PAPOLA: variants seen among roughly 807,000 people sequenced by gnomAD.
PAPOLA encodes the protein poly(A) polymerase alpha, also known as polynucleotide adenylyltransferase alpha.
Under a neutral mutation model 100.6 loss-of-function variants are expected in PAPOLA, and 15 were observed. That is an observed-to-expected ratio of 0.15 (90% CI 0.10 to 0.23). The LOEUF (loss-of-function observed/expected upper bound fraction) is 0.23, where lower values mean the gene tolerates loss of function less well. PAPOLA is among the 10% of genes least tolerant of loss of function. The pLI is 1.00. For missense variants in PAPOLA, 533 were observed against 884.2 expected, an observed-to-expected ratio of 0.60 and a Z score of 5.04; for synonymous variants, 293 against 300.0, an observed-to-expected ratio of 0.98 and a Z score of 0.24.
At chr14:96,528,126 T>C (rs1898655629) in intron 6 of PAPOLA, 120 bp downstream of exon 6, 1 of 649,892 alleles carries the variant, frequency 1.5e-6, no homozygotes, top group Non-Finnish European at 2.8e-6. Context: ...TTAATAACAA[T>C]TAAGGCTTTT....
intron 1 of PAPOLA, 21 bp from the exon 2 acceptor site, chr14:96,520,034 T>G (rs1385142428): frequency 1.3e-6 from 2 of 1,568,834 alleles, no homozygotes; most frequent in Non-Finnish European, 1.7e-6. Flanking sequence ...TGGCAGTAAT[T>G]GTATCCAATT....
At chr14:96,514,363 A>G (rs1897301654) in intron 1 of PAPOLA, among the ~76,000 whole-genome samples, 1 of 147,368 alleles carries the variant, frequency 6.8e-6, no homozygotes, top group Admixed American at 6.8e-5. Context: ...TGTTATGTTT[A>G]GTAGAGACGG....
chr14:96,563,420 A>G (rs929430069), intron 21 of PAPOLA, among the ~76,000 whole-genome samples: 3 of 152,198 alleles, frequency 2.0e-5, no homozygotes, highest in Non-Finnish European at 4.4e-5. Context: ...TACAGTAGGC[A>G]TCTGGAATCT....
intron 13 of PAPOLA, chr14:96,542,532 G>A: frequency 3.7e-6 from 2 of 543,236 alleles, no homozygotes; most frequent in South Asian, 5.7e-5. Flanking sequence ...TATATTTAAA[G>A]TGCACTTATA....
chr14:96,547,649 T>C (rs990552286), intron 15 of PAPOLA, 148 bp from the exon 16 acceptor site: 70 of 548,338 alleles, frequency 1.3e-4, no homozygotes, highest in Non-Finnish European at 3.2e-5. Context: ...CAATGAATTA[T>C]GTCAGATTAG....
At position 96,526,367 on chromosome 14, in the gene PAPOLA, T is replaced by G. The variant is rs1038910244; in HGVS notation, c.331+976T>G. On this transcript the variant is annotated intron_variant, in intron 4 of 21. Transcript: ENST00000216277. Reference sequence around the variant, plus strand: ...AGGCTGTACTGTCTTTGGGTCTTGCTCTGTTGCACAGGCTGGATGCAGTGG... The same window carrying G: ...AGGCTGTACTGTCTTTGGGTCTTGCGCTGTTGCACAGGCTGGATGCAGTGG... 3.3e-5 allele frequency: 5 copies of G among 152,300 alleles called. No individual in the cohort carries two copies. The East Asian group carries it at 9.6e-4, about 29-fold the overall frequency. The allele number at this position is 152,300 out of a possible 1,614,324, so 9.4% of individuals were successfully genotyped here. A position where few individuals can be genotyped will look rare whatever the true frequency, so the allele number is the denominator to read the frequency against.
At chr14:96,524,864 C>T (rs1037897688) in intron 3 of PAPOLA, among the ~76,000 whole-genome samples, 2 of 152,096 alleles carry the variant, frequency 1.3e-5, no homozygotes, top group Non-Finnish European at 2.9e-5. Flanking sequence ...AAAAAATACT[C>T]TAATATGTTG....
chr14:96,546,109 A>G (rs538803874), intron 15 of PAPOLA, among the ~76,000 whole-genome samples: 16 of 151,928 alleles, frequency 1.1e-4, no homozygotes, highest in Admixed American at 2.6e-4. Context: ...TTCACTCCCA[A>G]CCCCTACCAG....
intron 10 of PAPOLA, chr14:96,534,951 GTTAC>G: frequency 3.0e-6 from 3 of 991,454 alleles, no homozygotes; most frequent in Non-Finnish European, 3.6e-6. Context: ...TAGGAAAGCT[GTTAC>G]TTAATGTTTA....
At chr14:96,514,428 G>A (rs1897308716) in intron 1 of PAPOLA, among the ~76,000 whole-genome samples, 1 of 151,884 alleles carries the variant, frequency 6.6e-6, no homozygotes, top group Non-Finnish European at 1.5e-5. Flanking sequence ...TGATCCGCCC[G>A]CCTTGGCCTC....
Position 96,521,013 on chromosome 14 carries a change from AT to A in PAPOLA, c.194del (p.Leu65TrpfsTer4). The A allele has an allele frequency of 6.8e-7, 1 of 1,475,724 alleles. No individual in the cohort carries two copies. Among genetic ancestry groups the A allele is most frequent in the Non-Finnish European group, 9.5e-7 (1 of 1,054,586 alleles). The allele number at this position is 1,475,724 out of a possible 1,614,324, so 91.4% of individuals were successfully genotyped here. A position where few individuals can be genotyped will look rare whatever the true frequency, so the allele number is the denominator to read the frequency against. ...TAATTGTTTTATCAACAGGATTTTA[AT>A]TTTGGGAAAACTAAATAACCTGGTA... ...EEEELQRRIL[I>X]LGKLNNLVKE... On this transcript the variant is annotated frameshift_variant, in exon 3 of 22. Coordinates refer to ENST00000216277, the MANE Select transcript of PAPOLA (RefSeq NM_032632.5). LOFTEE classifies it high-confidence loss of function.
chr14:96,523,814 G>C (rs955912278), intron 3 of PAPOLA, among the ~76,000 whole-genome samples: 1 of 152,022 alleles, frequency 6.6e-6, no homozygotes, highest in Non-Finnish European at 1.5e-5. Flanking sequence ...GTGGTAGTGC[G>C]CGCCTGTAAT....
At chr14:96,537,111 A>G in intron 12 of PAPOLA, 51 bp downstream of exon 12, 1 of 957,328 alleles carries the variant, frequency 1.0e-6, no homozygotes, top group Non-Finnish European at 1.7e-6. Context: ...GTAATGGTTT[A>G]ATGGTAGCAC....
chr14:96,502,769 A>T, intron 1 of PAPOLA, 169 bp downstream of exon 1: 1 of 621,072 alleles, frequency 1.6e-6, no homozygotes, highest in Non-Finnish European at 2.3e-6. Flanking sequence ...TCGCCGCCGC[A>T]CTTCCCCCCG....
chr14:96,532,456 T>C, intron 8 of PAPOLA, 36 bp downstream of exon 8: 2 of 1,605,914 alleles, frequency 1.2e-6, no homozygotes, highest in East Asian at 2.2e-5. Flanking sequence ...TTATTAAAAA[T>C]GTTCAAACTT....
intron 3 of PAPOLA, among the ~76,000 whole-genome samples, chr14:96,523,298 T>C (rs1399488483): frequency 6.6e-6 from 1 of 152,188 alleles, no homozygotes; most frequent in East Asian, 1.9e-4. Flanking sequence ...AAATGTAGTT[T>C]ATAATATACT....
chr14:96,533,773 T>C, intron 9 of PAPOLA: 1 of 446,558 alleles, frequency 2.2e-6, no homozygotes, highest in Non-Finnish European at 3.0e-6. Flanking sequence ...CAGGATGGTC[T>C]CGATCTCCTG....
intron 19 of PAPOLA, among the ~76,000 whole-genome samples, chr14:96,559,860 A>G (rs1398744493): frequency 2.6e-5 from 4 of 151,920 alleles, no homozygotes; most frequent in Admixed American, 2.6e-4. Context: ...ACTTCTATAA[A>G]ATATAAGTAC....
chr14:96,507,497 G>C (rs952960246), intron 1 of PAPOLA, among the ~76,000 whole-genome samples: 4 of 151,798 alleles, frequency 2.6e-5, no homozygotes, highest in Non-Finnish European at 4.4e-5. Context: ...CCGTGGTCTC[G>C]ATCTCCTGAC....
Sources: gnomAD v4.1 joint callset for allele counts (sites outside exome capture counted in the v4.1 genomes callset) on GRCh38, gnomAD v4.1.1 for gene constraint, MANE v1.5 for transcripts, NCBI Gene and HGNC (gene_info 2026-07-23, HGNC 2026-07-21) for gene names.